ARPC1A: variants seen among roughly 807,000 people sequenced by gnomAD.
The protein encoded by ARPC1A is actin-related protein 2/3 complex subunit 1A.
In ARPC1A, 8 loss-of-function variants were observed where a neutral mutation model predicts 46.9. The ratio of observed to expected loss-of-function variants is 0.17; its 90% CI spans 0.10 to 0.31. The LOEUF (loss-of-function observed/expected upper bound fraction) is 0.31. ARPC1A is among the 10% of genes least tolerant of loss of function. The pLI, the probability that ARPC1A is intolerant of heterozygous loss-of-function variation, is 1.00. For synonymous variants in ARPC1A, 152 were observed against 169.0 expected, an observed-to-expected ratio of 0.90 and a Z score of 0.78; for missense variants, 286 against 483.6, an observed-to-expected ratio of 0.59 and a Z score of 3.83.
chr7:99,364,496 T>C (rs1163290577), intron 9 of ARPC1A, among the ~76,000 whole-genome samples: 2 of 151,776 alleles, frequency 1.3e-5, no homozygotes, highest in African/African-American at 4.8e-5. Flanking sequence ...GGTCTCGAAC[T>C]CCCAACCTCA....
intron 3 of ARPC1A, among the ~76,000 whole-genome samples, chr7:99,338,840 A>T (rs1425247386): frequency 6.6e-6 from 1 of 152,200 alleles, no homozygotes; most frequent in Non-Finnish European, 1.5e-5. Context: ...CTGAGGACTA[A>T]AGAGCTAAAA....
intron 8 of ARPC1A, 80 bp from the exon 9 acceptor site, chr7:99,363,463 C>A: frequency 2.0e-6 from 2 of 987,196 alleles, no homozygotes; most frequent in South Asian, 1.4e-5. Flanking sequence ...CCTTAAGCTG[C>A]CCTTACACTA....
intron 1 of ARPC1A, among the ~76,000 whole-genome samples, chr7:99,332,255 A>G (rs1793155270): frequency 1.3e-5 from 2 of 152,118 alleles, no homozygotes; most frequent in East Asian, 3.8e-4. Flanking sequence ...TGGCATAATT[A>G]TTATTTATTT....
intron 4 of ARPC1A, among the ~76,000 whole-genome samples, chr7:99,346,972 C>G (rs1793463767): frequency 6.6e-6 from 1 of 152,162 alleles, no homozygotes; most frequent in African/African-American, 2.4e-5. Flanking sequence ...GAGCAAGACT[C>G]TGTCTCAAAA....
At chr7:99,356,088 G>A (rs923987673) in intron 6 of ARPC1A, among the ~76,000 whole-genome samples, 1 of 152,084 alleles carries the variant, frequency 6.6e-6, no homozygotes, top group Non-Finnish European at 1.5e-5. Flanking sequence ...TTCTTCCCTG[G>A]TGTTCCTTTT....
intron 3 of ARPC1A, among the ~76,000 whole-genome samples, chr7:99,339,062 C>G (rs912946461): frequency 4.6e-5 from 7 of 152,014 alleles, no homozygotes; most frequent in African/African-American, 1.7e-4. Flanking sequence ...TTTCCCTGTG[C>G]CAGGAAGTAA....
chr7:99,334,315 T>C (rs1476699879), intron 2 of ARPC1A, among the ~76,000 whole-genome samples: 2 of 151,948 alleles, frequency 1.3e-5, no homozygotes, highest in Non-Finnish European at 2.9e-5. Context: ...TGATCTGAGA[T>C]TGTGCCACTG....
At chr7:99,350,879 T>C (rs1463335068) in intron 5 of ARPC1A, among the ~76,000 whole-genome samples, 1 of 151,826 alleles carries the variant, frequency 6.6e-6, no homozygotes, top group Non-Finnish European at 1.5e-5. Context: ...ACTCCTGGGC[T>C]CAAAGAATCC....
At chr7:99,347,589 C>T (rs1301844286) in intron 4 of ARPC1A, among the ~76,000 whole-genome samples, 2 of 152,050 alleles carry the variant, frequency 1.3e-5, no homozygotes, top group African/African-American at 4.8e-5. Context: ...CCTATAATCC[C>T]AGCTATCGGG....
intron 5 of ARPC1A, among the ~76,000 whole-genome samples, chr7:99,353,199 C>A (rs1793575843): frequency 6.6e-6 from 1 of 151,860 alleles, no homozygotes; most frequent in South Asian, 2.1e-4. Flanking sequence ...CGCTCTGTTG[C>A]CCAGCCTGGA....
Position 99,338,184 on chromosome 7 carries a change from T to C in ARPC1A, c.68T>C (p.Ile23Thr), listed in dbSNP as rs1303918172. ...CHAWNRDRTQ[I>T]ALSPNNHEVH... ...GTTGTTTGACTTGTGTCTCCAGAGA[T>C]TGCCCTCAGTCCCAATAATCACGAA... is the stretch of plus-strand genomic sequence containing the variant. The change falls in exon 3 of 10, where the codon ATT becomes ACT. Residue 23 changes from isoleucine to threonine, a missense_variant. Physicochemically the swap from Ile to Thr is moderately conservative, Grantham distance 89. This residue lies in a region of ARPC1A where 55 missense variants were observed against 59.4 expected (regional missense o/e 0.93). Transcript: ENST00000262942. The C allele has an allele frequency of 6.2e-7, 1 of 1,607,930 alleles. No individual in the cohort carries two copies. The highest frequency in any genetic ancestry group is 1.7e-5 in the Admixed American group (1 of 59,836).
chr7:99,359,359 C>A (rs1360107961), intron 7 of ARPC1A, among the ~76,000 whole-genome samples, 186 bp from the exon 8 acceptor site: 4 of 151,618 alleles, frequency 2.6e-5, no homozygotes, highest in African/African-American at 9.7e-5. Context: ...TTACTTGAAC[C>A]CGGGAAGCAG....
At chr7:99,343,872 T>G (rs921355089) in intron 3 of ARPC1A, among the ~76,000 whole-genome samples, 2 of 152,210 alleles carry the variant, frequency 1.3e-5, no homozygotes, top group African/African-American at 4.8e-5. Context: ...TTGAATGCCA[T>G]GTAGCAGACT....
chr7:99,344,295 A>G lies in ARPC1A; in HGVS notation c.172A>G (p.Ile58Val), dbSNP rs547379680. The G allele has an allele frequency of 6.2e-7, 1 of 1,613,940 alleles. No individual in the cohort carries two copies. The highest frequency in any genetic ancestry group is 1.7e-5 in the Admixed American group (1 of 59,994). ...GATGACCCATGTCTCACTTGCAGGTATTGACTGGGCTCCCAAGAGCGACCG... is the reference window on the plus strand; with the variant it reads ...GATGACCCATGTCTCACTTGCAGGTGTTGACTGGGCTCCCAAGAGCGACCG... Reference protein sequence around the residue: ...LKEHNGHITGIDWAPKSDRIV... With the variant: ...LKEHNGHITGVDWAPKSDRIV... Residue 58 changes from isoleucine (I) to valine (V), a missense_variant and splice_region_variant, in exon 4 of 10, where the codon ATT becomes GTT. Physicochemically the swap from Ile to Val is conservative, Grantham distance 29 (BLOSUM62 3). Coordinates refer to ENST00000262942, the MANE Select transcript of ARPC1A (RefSeq NM_006409.4).
chr7:99,342,557 C>T (rs1260767035), intron 3 of ARPC1A, among the ~76,000 whole-genome samples: 1 of 151,184 alleles, frequency 6.6e-6, no homozygotes, highest in Admixed American at 6.6e-5. Context: ...AAAAAAAAAT[C>T]TAATAAAGAG....
intron 3 of ARPC1A, among the ~76,000 whole-genome samples, chr7:99,339,084 G>C (rs747071979): frequency 7.9e-5 from 12 of 152,020 alleles, no homozygotes; most frequent in Non-Finnish European, 1.6e-4. Flanking sequence ...TTCTTTTCCT[G>C]TATCAGGAAA....
intron 3 of ARPC1A, chr7:99,339,946 C>A: frequency 2.2e-6 from 1 of 455,436 alleles, no homozygotes; most frequent in South Asian, 1.5e-5. Flanking sequence ...CATTTTCCCA[C>A]ACCCCGCCAC....
intron 2 of ARPC1A, among the ~76,000 whole-genome samples, chr7:99,335,291 G>C (rs1463729811): frequency 6.6e-6 from 1 of 152,066 alleles, no homozygotes; most frequent in Non-Finnish European, 1.5e-5. Flanking sequence ...CCACCACACC[G>C]GCCAAGATAA....
chr7:99,332,755 C>T (rs889207556), intron 1 of ARPC1A, among the ~76,000 whole-genome samples: 1 of 151,254 alleles, frequency 6.6e-6, no homozygotes, highest in Admixed American at 6.6e-5. Context: ...GCGCCCGCTA[C>T]CATGCCCGGC....
Sources: gnomAD v4.1 joint callset for allele counts (sites outside exome capture counted in the v4.1 genomes callset) on GRCh38, gnomAD v4.1.1 for gene constraint, gnomAD v4.1.1 regional missense constraint, MANE v1.5 for transcripts, NCBI Gene and HGNC (gene_info 2026-07-23, HGNC 2026-07-21) for gene names.